Variants in DNAH11 observed in about 807,000 individuals in gnomAD.
DNAH11 encodes dynein axonemal heavy chain 11, also known as axonemal beta dynein heavy chain 11.
A neutral mutation model predicts 526.0 loss-of-function variants in DNAH11; 442 were observed. The ratio of observed to expected loss-of-function variants is 0.84; its 90% CI spans 0.78 to 0.91. The LOEUF is 0.91. Ranked by LOEUF, DNAH11 falls within the 40% of genes least tolerant of loss-of-function variation. DNAH11 has a pLI of 0.00. For missense variants in DNAH11, 6,989 were observed against 5,448.7 expected, an observed-to-expected ratio of 1.28 and a Z score of -8.90; for synonymous variants, 2,461 against 1,935.9, an observed-to-expected ratio of 1.27 and a Z score of -7.12.
Position 21,800,495 on chromosome 7 carries a change from G to A in DNAH11, c.10027-642G>A, listed in dbSNP as rs147251890. ...AAATCTACAAAAATTAGCCGGGTGT[G>A]GTGGTGCACACCTGTAATCCCAGCT... On this transcript the variant is annotated intron_variant, in intron 61 of 81. Transcript: ENST00000409508. 2.1e-3 allele frequency among the ~76,000 whole-genome samples: 323 copies of A among 152,210 alleles called. 1 individual carries two copies. Among genetic ancestry groups the A allele is most frequent in the African/African-American group, 7.4e-3 (306 of 41,514 alleles).
intron 43 of DNAH11, 63 bp downstream of exon 43, chr7:21,717,988 A>C: frequency 6.5e-7 from 1 of 1,530,674 alleles, no homozygotes; most frequent in Non-Finnish European, 8.8e-7. Context: ...GTTGATCAAG[A>C]CAACAGAAGA....
chr7:21,884,212 A>G, intron 75 of DNAH11, 79 bp from the exon 76 acceptor site: 6 of 1,361,508 alleles, frequency 4.4e-6, no homozygotes, highest in Non-Finnish European at 5.9e-6. Context: ...ATTGTGTTAG[A>G]GGGGCACGTG....
Position 21,655,989 on chromosome 7 carries a change from T to G in DNAH11, c.5094+8T>G. ...TGTGAATGTGTGGGCCATGTAAGAT[T>G]TGATTATGAGGTTTTCTATGCTAGG... On this transcript the variant is annotated splice_region_variant and intron_variant, in intron 29 of 81. Transcript: ENST00000409508. The G allele has an allele frequency of 1.9e-6, 3 of 1,584,808 alleles. No homozygotes were observed. Among genetic ancestry groups the G allele is most frequent in the Non-Finnish European group, 2.6e-6 (3 of 1,163,436 alleles).
At chr7:21,801,331 A>G in intron 62 of DNAH11, 56 bp downstream of exon 62, 1 of 1,593,126 alleles carries the variant, frequency 6.3e-7, no homozygotes, top group Non-Finnish European at 8.6e-7. Flanking sequence ...GCTTGTGGGG[A>G]TTTTATTATT....
chr7:21,632,251 C>T (rs1786650486), intron 25 of DNAH11, among the ~76,000 whole-genome samples: 2 of 152,172 alleles, frequency 1.3e-5, no homozygotes, highest in Admixed American at 6.5e-5. Flanking sequence ...CTGAGGCCTC[C>T]AGGACTGAGA....
rs111279183 is a variant in DNAH11, at chr7:21,606,404, A to G, written c.3649-22A>G. ...GTTTTAGGAATTGAAGTAATTTCGC[A>G]TTTGTGCCTTTGCTTTTGCAGGAAT... is the stretch of plus-strand genomic sequence containing the variant. On this transcript the variant is annotated intron_variant, in intron 18 of 81. Coordinates refer to ENST00000409508, the MANE Select transcript of DNAH11 (RefSeq NM_001277115.2). 1,002 of 1,575,632 alleles carry G rather than the reference A, an allele frequency of 6.4e-4. 10 individuals carry two copies. In the African/African-American group the frequency reaches 0.012, roughly 18 times the overall value.
At chr7:21,726,409 C>G (rs1433410972) in intron 45 of DNAH11, among the ~76,000 whole-genome samples, 1 of 152,026 alleles carries the variant, frequency 6.6e-6, no homozygotes, top group African/African-American at 2.4e-5. Flanking sequence ...GTCATAGATC[C>G]AAACCATATC....
intron 74 of DNAH11, among the ~76,000 whole-genome samples, chr7:21,874,310 C>G (rs1302090125): frequency 7.2e-6 from 1 of 139,186 alleles, no homozygotes; most frequent in East Asian, 2.0e-4. Context: ...CAAGATAAGA[C>G]AAATGAATAC....
chr7:21,595,323 G>A (rs1382321023), intron 14 of DNAH11, among the ~76,000 whole-genome samples: 1 of 152,162 alleles, frequency 6.6e-6, no homozygotes, highest in Non-Finnish European at 1.5e-5. Flanking sequence ...CATCCCCTTG[G>A]GGGTTGGGAT....
intron 42 of DNAH11, among the ~76,000 whole-genome samples, chr7:21,717,351 T>C (rs1318586826): frequency 1.3e-5 from 2 of 152,122 alleles, no homozygotes; most frequent in East Asian, 3.9e-4. Flanking sequence ...GGAATTTTCA[T>C]CTTTTTATTC....
intron 65 of DNAH11, among the ~76,000 whole-genome samples, chr7:21,828,461 C>T (rs10267974): frequency 0.23 from 34,970 of 151,862 alleles, 5,216 homozygotes; most frequent in African/African-American, 0.41. Flanking sequence ...AGTTTTTTTT[C>T]CCTTAATAGT....
At chr7:21,791,595 T>C (rs1287821657) in intron 61 of DNAH11, among the ~76,000 whole-genome samples, 1 of 152,204 alleles carries the variant, frequency 6.6e-6, no homozygotes, top group East Asian at 1.9e-4. Context: ...TCTTTCCCTC[T>C]TAAGAGCTCC....
chr7:21,584,341 C>G (rs1266841296), intron 9 of DNAH11, among the ~76,000 whole-genome samples: 2 of 152,088 alleles, frequency 1.3e-5, no homozygotes, highest in Non-Finnish European at 1.5e-5. Context: ...GAAAACCAAA[C>G]ACTGCATGTT....
At chr7:21,863,526 C>T (rs1783154834) in intron 69 of DNAH11, among the ~76,000 whole-genome samples, 1 of 152,122 alleles carries the variant, frequency 6.6e-6, no homozygotes, top group African/African-American at 2.4e-5. Context: ...TGGGGTTTCA[C>T]CATGTTGGCC....
At chr7:21,884,465 G>T (rs1784047477) in intron 76 of DNAH11, 55 bp downstream of exon 76, 2 of 1,522,766 alleles carry the variant, frequency 1.3e-6, no homozygotes, top group East Asian at 2.3e-5. Flanking sequence ...AAAAATTCTG[G>T]TAAGAATTTT....
intron 66 of DNAH11, among the ~76,000 whole-genome samples, chr7:21,849,937 A>T (rs1164604764): frequency 1.4e-5 from 2 of 144,860 alleles, no homozygotes; most frequent in Non-Finnish European, 3.1e-5. Context: ...CCTTGTAAGC[A>T]TCTCACAGTT....
intron 2 of DNAH11, among the ~76,000 whole-genome samples, 167 bp from the exon 3 acceptor site, chr7:21,558,635 A>G (rs1220073463): frequency 6.6e-6 from 1 of 152,232 alleles, no homozygotes; most frequent in African/African-American, 2.4e-5. Flanking sequence ...TTTATGTCTA[A>G]TTGATTAAAT....
In DNAH11 at chr7:21,773,821, A is replaced by G. The variant is rs2127979213; in HGVS notation, c.9158A>G (p.Asn3053Ser). The G allele has an allele frequency of 2.5e-6, 4 of 1,608,790 alleles. No individual in the cohort carries two copies. In the East Asian group the frequency reaches 9.0e-5, roughly 36 times the overall value. Residue 3053 changes from asparagine (N) to serine (S), a missense_variant, in exon 56 of 82, where the codon AAT (asparagine) becomes AGT (serine). Asn to Ser is a conservative substitution (Grantham distance 46). Transcript: ENST00000409508. ...ATGGCACATGTTCACACCACTGTAAATGAAATGAGTACCAGATATTACCAG... is the reference window on the plus strand; with the variant it reads ...ATGGCACATGTTCACACCACTGTAAGTGAAATGAGTACCAGATATTACCAG... Reference protein sequence around the residue: ...LFMAHVHTTVNEMSTRYYQNE... With the variant: ...LFMAHVHTTVSEMSTRYYQNE...
intron 8 of DNAH11, among the ~76,000 whole-genome samples, chr7:21,578,448 G>A (rs760512903): frequency 2.0e-5 from 3 of 152,218 alleles, no homozygotes; most frequent in Non-Finnish European, 4.4e-5. Context: ...CTCCACCCCT[G>A]TGGCTCTGCA....
Sources: allele counts gnomAD v4.1 joint callset (sites outside exome capture counted in the v4.1 genomes callset), GRCh38; gene constraint gnomAD v4.1.1; transcripts MANE v1.5; gene names NCBI Gene and HGNC (gene_info 2026-07-23, HGNC 2026-07-21).